The following VWDE variants were observed in gnomAD, a reference collection of about 807,000 sequenced individuals.
The protein encoded by VWDE is von Willebrand factor D and EGF domains.
In VWDE, 207 loss-of-function variants were observed where a neutral mutation model predicts 178.4. The ratio of observed to expected loss-of-function variants is 1.16; its 90% confidence interval spans 1.04 to 1.30. The LOEUF is 1.30. Among genes scored for constraint, VWDE ranks in the 50% most tolerant of loss-of-function variants. VWDE has a pLI of 0.00. For missense variants in VWDE, 2,287 were observed against 1,901.3 expected, an observed-to-expected ratio of 1.20 and a Z score of -3.77; for synonymous variants, 738 against 651.4, an observed-to-expected ratio of 1.13 and a Z score of -2.02.
At chr7:12,350,420 GATAA>G (rs10600892) in intron 19 of VWDE, among the ~76,000 whole-genome samples, 4,296 of 152,098 alleles carry the variant, frequency 0.028, 210 homozygotes, top group African/African-American at 0.099. Context: ...AAAAGCGTTT[GATAA>G]ATAACATTTA....
intron 1 of VWDE, among the ~76,000 whole-genome samples, chr7:12,398,102 T>G (rs1292041390): frequency 6.6e-6 from 1 of 152,128 alleles, no homozygotes; most frequent in Non-Finnish European, 1.5e-5. Context: ...AAAACACACA[T>G]GTACTGGTAC....
Position 12,361,222 on chromosome 7 carries a change from A to T in VWDE, c.3084T>A (p.Asn1028Lys), listed in dbSNP as rs566141008. The T allele has an allele frequency of 4.2e-4, 643 of 1,548,302 alleles. 1 individual carries two copies. Among genetic ancestry groups the T allele is most frequent in the Admixed American group, 6.5e-4 (33 of 50,924 alleles). ...CATCATATATGACCGTTATTTTGGG[A>T]TTACTGAATTTATAACCATCATTAG... ...KVSNDGYKFS[N>K]PKITVIYDGA... The change falls in exon 15 of 29, where the codon AAT becomes AAA. Residue 1028 changes from asparagine to lysine, a missense_variant. Asn to Lys is a moderately conservative substitution (Grantham distance 94, BLOSUM62 0). Coordinates refer to ENST00000275358, the MANE Select transcript of VWDE (RefSeq NM_001135924.3).
Position 12,370,360 on chromosome 7 carries a change from C to A in VWDE, c.1946G>T (p.Gly649Val). Residue 649 changes from glycine to valine, a missense_variant, in exon 12 of 29, where the codon GGT (glycine) becomes GTT (valine). By Grantham distance (109) the Gly-to-Val change is moderately radical. Transcript: ENST00000275358. Reference protein sequence around the residue: ...DSVSRSEIALGCKDLNHVSLS... With the variant: ...DSVSRSEIALVCKDLNHVSLS... ...GCTGACATGATTGAGGTCTTTGCAA[C>A]CCAAGGCAATTTCTGATCGAGAAAC... 1.3e-6 allele frequency: 2 copies of A among 1,551,088 alleles called. No individual in the cohort carries two copies. Among genetic ancestry groups the A allele is most frequent in the Non-Finnish European group, 1.7e-6 (2 of 1,146,822 alleles).
chr7:12,348,793 A>G (rs1781759133), intron 19 of VWDE, among the ~76,000 whole-genome samples: 1 of 151,170 alleles, frequency 6.6e-6, no homozygotes, highest in African/African-American at 2.4e-5. Flanking sequence ...TTATTGTGGC[A>G]TTATTCACAA....
At chr7:12,362,634 C>G (rs1454855659) in intron 13 of VWDE, among the ~76,000 whole-genome samples, 5 of 152,004 alleles carry the variant, frequency 3.3e-5, no homozygotes, top group African/African-American at 1.2e-4. Context: ...TGTTTTCAAC[C>G]ACTCAGAATT....
chr7:12,353,833 T>C (rs529650116), intron 18 of VWDE: 1 of 152,422 alleles, frequency 6.6e-6, no homozygotes, highest in Non-Finnish European at 1.5e-5. Context: ...CTCCAACTCT[T>C]GTAGCAGCTC....
At chr7:12,389,090 T>C (rs777160260) in intron 3 of VWDE, 37 bp downstream of exon 3, 11 of 1,354,018 alleles carry the variant, frequency 8.1e-6, no homozygotes, top group African/African-American at 1.5e-5. Flanking sequence ...CAGAGTTCCA[T>C]GAATAACAGT....
In VWDE at chr7:12,340,430, A is replaced by G. The variant is rs1201060008; in HGVS notation, c.4271-13T>C. On this transcript the variant is annotated splice_polypyrimidine_tract_variant and intron_variant, in intron 23 of 28. Transcript: ENST00000275358. ...GGGTCGCACAAAGCTAATAAACAGCAGGAGGAAAAGAGAACATAAAAGTTT... is the reference window on the plus strand; with the variant it reads ...GGGTCGCACAAAGCTAATAAACAGCGGGAGGAAAAGAGAACATAAAAGTTT... 1 of 1,536,178 alleles carries G rather than the reference A, an allele frequency of 6.5e-7. No individual in the cohort carries two copies. Among genetic ancestry groups the G allele is most frequent in the Non-Finnish European group, 8.8e-7 (1 of 1,137,128 alleles).
intron 18 of VWDE, among the ~76,000 whole-genome samples, chr7:12,354,701 A>T (rs1782129487): frequency 6.6e-6 from 1 of 152,118 alleles, no homozygotes; most frequent in Admixed American, 6.5e-5. Flanking sequence ...ATTAAACCAG[A>T]CCTTTCAAGT....
chr7:12,354,074 T>C (rs973387846), intron 18 of VWDE: 3 of 166,680 alleles, frequency 1.8e-5, no homozygotes, highest in African/African-American at 7.2e-5. Context: ...ATTCCCTGTG[T>C]AGTATTCCTA....
At chr7:12,338,132 C>A (rs749501423) in intron 24 of VWDE, among the ~76,000 whole-genome samples, 21 of 151,904 alleles carry the variant, frequency 1.4e-4, no homozygotes, top group Non-Finnish European at 1.3e-4. Context: ...TAGCTGCTTT[C>A]TTTATTTCCA....
At chr7:12,368,886 G>A (rs1265093150) in intron 12 of VWDE, among the ~76,000 whole-genome samples, 1 of 151,846 alleles carries the variant, frequency 6.6e-6, no homozygotes, top group Non-Finnish European at 1.5e-5. Flanking sequence ...GAAAAGGACA[G>A]GCAAAAATGA....
chr7:12,392,808 C>CAA (rs201563504), intron 2 of VWDE, among the ~76,000 whole-genome samples: 38,344 of 131,962 alleles, frequency 0.29, 6,299 homozygotes, highest in African/African-American at 0.46. Context: ...AGTTAAGTTG[C>CAA]AAAAAAAAAA....
chr7:12,376,745 G>A (rs893916566), intron 7 of VWDE, among the ~76,000 whole-genome samples: 4 of 152,044 alleles, frequency 2.6e-5, no homozygotes, highest in Non-Finnish European at 4.4e-5. Flanking sequence ...AAAATACAAT[G>A]TTGCTCGTGG....
intron 4 of VWDE, 65 bp downstream of exon 4, chr7:12,383,471 T>TA: frequency 8.0e-7 from 1 of 1,244,950 alleles, no homozygotes; most frequent in Non-Finnish European, 1.1e-6. Context: ...CTGCAGAATA[T>TA]AATTATCTGT....
Position 12,393,778 on chromosome 7 carries a change from G to C in VWDE, c.59C>G (p.Ala20Gly). The change falls in exon 2 of 29, where the codon GCT becomes GGT. Residue 20 changes from alanine (A) to glycine (G), a missense_variant and splice_region_variant. Ala to Gly is a moderately conservative substitution (Grantham distance 60). Coordinates refer to ENST00000275358, the MANE Select transcript of VWDE (RefSeq NM_001135924.3). ...GTGTCCCCCAGGAGAGCACTCCTGA[G>C]CTAGTATGGAAAGACAGGTGTTTTT... ...IALMFLAWGE[A>G]QECSPGGHQF... is the part of the protein sequence containing the mutation. 1 of 1,542,410 alleles carries C rather than the reference G, an allele frequency of 6.5e-7. No homozygotes were observed. Among genetic ancestry groups the C allele is most frequent in the Non-Finnish European group, 8.7e-7 (1 of 1,143,182 alleles).
At chr7:12,361,113 T>C (rs1416338339) in intron 15 of VWDE, 34 bp downstream of exon 15, 2 of 1,303,724 alleles carry the variant, frequency 1.5e-6, no homozygotes, top group African/African-American at 3.0e-5. Context: ...ATACCTATGA[T>C]GTAAATGTGA....
chr7:12,380,450 T>C (rs1202607452), intron 5 of VWDE, 36 bp downstream of exon 5: 1 of 1,535,144 alleles, frequency 6.5e-7, no homozygotes, highest in East Asian at 2.5e-5. Flanking sequence ...AATCAATACA[T>C]TCATGAAAAT....
rs1784410860 is a variant in VWDE, at chr7:12,391,995, G to C, written c.243+1599C>G. On this transcript the variant is annotated intron_variant, in intron 2 of 28. Coordinates refer to ENST00000275358, the MANE Select transcript of VWDE (RefSeq NM_001135924.3). The stretch of plus-strand genomic sequence containing the variant: ...GTGATGATGAACACGTTAGTAATTT[G>C]GGAAGCATGACACAGACATATGTCT... Among the ~76,000 whole-genome samples the C allele has an allele frequency of 2.6e-5, 4 of 152,248 alleles. No homozygotes were observed. The South Asian group carries it at 6.2e-4, about 24-fold the overall frequency.
Sources: gnomAD v4.1 joint callset for allele counts (sites outside exome capture counted in the v4.1 genomes callset) on GRCh38, gnomAD v4.1.1 for gene constraint, MANE v1.5 for transcripts, NCBI Gene and HGNC (gene_info 2026-07-23, HGNC 2026-07-21) for gene names.